GRM1: variants seen among roughly 807,000 people sequenced by gnomAD.
GRM1 encodes metabotropic glutamate receptor 1.
GRM1 carries 33 observed loss-of-function variants against 90.9 expected under a neutral mutation model. That is an observed-to-expected ratio of 0.36 (90% CI 0.28 to 0.49). GRM1 has a LOEUF of 0.49. Ranked by LOEUF, GRM1 falls within the 20% of genes least tolerant of loss-of-function variation. The pLI is 0.99. For missense variants in GRM1, 1,190 were observed against 1,534.3 expected (o/e 0.78, Z 3.75); for synonymous variants, 700 against 613.2 (o/e 1.14, Z -2.09).
chr6:146,230,720 T>G (rs958061985), intron 2 of GRM1, among the ~76,000 whole-genome samples: 2 of 152,164 alleles, frequency 1.3e-5, no homozygotes, highest in African/African-American at 4.8e-5. Context: ...ATATGGAAGT[T>G]TATAGCAGCT....
intron 2 of GRM1, among the ~76,000 whole-genome samples, chr6:146,231,116 A>C (rs1488610168): frequency 2.6e-5 from 4 of 152,166 alleles, no homozygotes; most frequent in Non-Finnish European, 5.9e-5. Context: ...TGCCCATACA[A>C]TGTGCAACAC....
chr6:146,286,055 C>T (rs982249531), intron 2 of GRM1, among the ~76,000 whole-genome samples: 3 of 152,104 alleles, frequency 2.0e-5, no homozygotes, highest in African/African-American at 7.2e-5. Context: ...CTAAGTTATA[C>T]TGTCATTGTA....
intron 5 of GRM1, among the ~76,000 whole-genome samples, chr6:146,373,429 A>G (rs935931877): frequency 4.6e-5 from 7 of 152,076 alleles, no homozygotes; most frequent in African/African-American, 7.2e-5. Flanking sequence ...AGTGCTACAC[A>G]CTTTTGAACA....
chr6:146,155,776 T>C (rs899995773), intron 1 of GRM1, among the ~76,000 whole-genome samples: 5 of 152,084 alleles, frequency 3.3e-5, no homozygotes, highest in African/African-American at 1.2e-4. Context: ...CTTCTCACTT[T>C]CCCTCCCTCA....
intron 1 of GRM1, among the ~76,000 whole-genome samples, chr6:146,099,282 G>A (rs1011985163): frequency 6.6e-6 from 1 of 152,156 alleles, no homozygotes; most frequent in Non-Finnish European, 1.5e-5. Flanking sequence ...AGCTACTCAG[G>A]AGGCTGAGCC....
intron 2 of GRM1, among the ~76,000 whole-genome samples, chr6:146,224,523 G>A (rs71566431): frequency 0.12 from 18,203 of 152,112 alleles, 1,342 homozygotes; most frequent in South Asian, 0.2. Context: ...GCATTAAAGA[G>A]TAATTAATAA....
In GRM1 at chr6:146,300,025, T is replaced by C. The variant is rs1407003536; in HGVS notation, c.951-4586T>C. Among the ~76,000 whole-genome samples, 4 of 152,230 alleles carry C rather than the reference T, an allele frequency of 2.6e-5. No homozygotes were observed. In the East Asian group the frequency reaches 5.8e-4, roughly 22 times the overall value. ...TCAACCGTTGTGAATATGGTTAACA[T>C]TGTAAATAAAAGAATGTCATATTTG... On this transcript the variant is annotated intron_variant, in intron 2 of 7. Transcript: ENST00000282753.
At chr6:146,136,895 C>T (rs1406014638) in intron 1 of GRM1, among the ~76,000 whole-genome samples, 4 of 147,508 alleles carry the variant, frequency 2.7e-5, no homozygotes, top group Non-Finnish European at 5.9e-5. Flanking sequence ...CTCTGTCACC[C>T]AGGCTGAAGT....
chr6:146,130,228 T>C (rs1404092071), intron 1 of GRM1, among the ~76,000 whole-genome samples: 2 of 151,360 alleles, frequency 1.3e-5, no homozygotes, highest in African/African-American at 2.4e-5. Flanking sequence ...TTTCTCTTTC[T>C]TTCCCTCCCT....
intron 6 of GRM1, among the ~76,000 whole-genome samples, chr6:146,396,069 CATCT>C (rs3065122): frequency 5.3e-4 from 72 of 136,112 alleles, no homozygotes; most frequent in South Asian, 1.1e-3. Flanking sequence ...ACCTATCCAT[CATCT>C]ATCTATCTAT....
intron 1 of GRM1, among the ~76,000 whole-genome samples, chr6:146,076,082 A>T (rs1582966110): frequency 6.6e-6 from 1 of 152,226 alleles, no homozygotes. Context: ...CAATGCAGGT[A>T]TTTGTGTTTG....
intron 5 of GRM1, among the ~76,000 whole-genome samples, chr6:146,366,479 C>T (rs376675670): frequency 6.6e-6 from 1 of 152,060 alleles, no homozygotes; most frequent in African/African-American, 2.4e-5. Flanking sequence ...ATTAACCAGT[C>T]TCTCTTCATT....
chr6:146,194,241 G>A (rs1779037452), intron 2 of GRM1, among the ~76,000 whole-genome samples: 1 of 152,014 alleles, frequency 6.6e-6, no homozygotes, highest in South Asian at 2.1e-4. Flanking sequence ...CATTGAACCA[G>A]CTTTCTCCTT....
intron 1 of GRM1, among the ~76,000 whole-genome samples, chr6:146,112,388 A>G (rs1026104786): frequency 6.6e-6 from 1 of 151,838 alleles, no homozygotes; most frequent in African/African-American, 2.4e-5. Context: ...TTGCCACACC[A>G]TCTGCTTTTG....
chr6:146,119,238 T>C (rs1158166228), intron 1 of GRM1, among the ~76,000 whole-genome samples: 4 of 152,240 alleles, frequency 2.6e-5, no homozygotes, highest in African/African-American at 9.6e-5. Flanking sequence ...ATAAATGTCT[T>C]CTTTTGAGAA....
At chr6:146,206,491 G>T (rs148528194) in intron 2 of GRM1, among the ~76,000 whole-genome samples, 196 of 152,184 alleles carry the variant, frequency 1.3e-3, no homozygotes, top group African/African-American at 4.3e-3. Context: ...AGTGGTCTTA[G>T]GGTCTCAGGG....
In GRM1 at chr6:146,437,147, G is replaced by A. The variant is rs568184091; in HGVS notation, c.*2351G>A. On this transcript the variant is annotated 3_prime_UTR_variant, in exon 8 of 8. Transcript: ENST00000282753. ...GACAAATTCATGAGGGAAAGCATAT[G>A]ATCTCTTTATTAGTGAATCATGCTT... 1 of 152,276 alleles carries A rather than the reference G, an allele frequency of 6.6e-6. No homozygotes were observed. Among genetic ancestry groups the A allele is most frequent in the African/African-American group, 2.4e-5 (1 of 41,562 alleles). 9.4% of individuals were successfully genotyped at this position (152,276 alleles called of 1,614,324 possible).
At chr6:146,407,116 C>T (rs1777375983) in intron 7 of GRM1, among the ~76,000 whole-genome samples, 1 of 152,208 alleles carries the variant, frequency 6.6e-6, no homozygotes, top group South Asian at 2.1e-4. Flanking sequence ...TTTTTCTTCA[C>T]ATGAAGGCCC....
chr6:146,123,822 C>T (rs1026831549), intron 1 of GRM1, among the ~76,000 whole-genome samples: 1 of 152,164 alleles, frequency 6.6e-6, no homozygotes, highest in African/African-American at 2.4e-5. Flanking sequence ...TGGCTGGCAT[C>T]CTTCCCAGGT....
Sources: gnomAD v4.1 joint callset for allele counts (sites outside exome capture counted in the v4.1 genomes callset) on GRCh38, gnomAD v4.1.1 for gene constraint, MANE v1.5 for transcripts, NCBI Gene and HGNC (gene_info 2026-07-23, HGNC 2026-07-21) for gene names.